ARAP2: variants seen among roughly 807,000 people sequenced by gnomAD.
The protein encoded by ARAP2 is arf-GAP with Rho-GAP domain, ANK repeat and PH domain-containing protein 2.
ARAP2 carries 148 observed loss-of-function variants against 194.5 expected under a neutral mutation model. The observed-to-expected ratio is 0.76, with a 90% confidence interval of 0.67 to 0.87. The LOEUF (loss-of-function observed/expected upper bound fraction) is 0.87, where lower values mean the gene tolerates loss of function less well. ARAP2 is among the 40% of genes least tolerant of loss of function. The pLI is 0.00. For synonymous variants in ARAP2, 695 were observed against 683.5 expected (o/e 1.02, Z -0.26); for missense variants, 2,128 against 1,989.7 (o/e 1.07, Z -1.32).
At chr4:36,090,012 C>G (rs1474366138) in intron 28 of ARAP2, among the ~76,000 whole-genome samples, 5 of 151,828 alleles carry the variant, frequency 3.3e-5, no homozygotes, top group Non-Finnish European at 7.4e-5. Context: ...TATTAGACCA[C>G]TAGCTTGACT....
intron 9 of ARAP2, among the ~76,000 whole-genome samples, chr4:36,177,047 A>AG (rs1194674308): frequency 6.6e-6 from 1 of 151,942 alleles, no homozygotes; most frequent in East Asian, 1.9e-4. Flanking sequence ...CCAAAAAAAA[A>AG]GGGGTAAAGA....
At chr4:36,133,432 T>TA (rs753482952) in intron 19 of ARAP2, 43 bp from the exon 20 acceptor site, 285 of 1,513,566 alleles carry the variant, frequency 1.9e-4, no homozygotes, top group Non-Finnish European at 2.0e-4. Context: ...TTTTGCTCTT[T>TA]AAAAAAAAAT....
chr4:36,110,062 C>T (rs1232760679), intron 26 of ARAP2, among the ~76,000 whole-genome samples: 1 of 151,838 alleles, frequency 6.6e-6, no homozygotes, highest in Admixed American at 6.6e-5. Context: ...CTAAGGATCA[C>T]AAAGGTTTTG....
chr4:36,024,899 G>A (rs889576245), intron 5 of ARAP2, among the ~76,000 whole-genome samples: 1 of 152,044 alleles, frequency 6.6e-6, no homozygotes, highest in African/African-American at 2.4e-5. Flanking sequence ...TTAACTTTCT[G>A]CTAGTCCTTG....
intron 19 of ARAP2, among the ~76,000 whole-genome samples, chr4:36,137,172 A>G (rs977567645): frequency 2.0e-5 from 3 of 151,890 alleles, no homozygotes; most frequent in African/African-American, 2.4e-5. Context: ...GGACTCTTTC[A>G]TAAGTACATG....
intron 26 of ARAP2, among the ~76,000 whole-genome samples, chr4:36,107,933 C>T (rs1186526425): frequency 6.6e-6 from 1 of 151,880 alleles, no homozygotes; most frequent in East Asian, 1.9e-4. Context: ...GCAGGAATAC[C>T]TGTTACTGAA....
At chr4:36,130,608 C>T (rs1289270674) in intron 20 of ARAP2, among the ~76,000 whole-genome samples, 1 of 151,902 alleles carries the variant, frequency 6.6e-6, no homozygotes, top group Non-Finnish European at 1.5e-5. Flanking sequence ...ACACCAGTAG[C>T]ACCCCCTGAA....
chr4:36,016,299 G>T (rs1047881290), intron 6 of ARAP2, among the ~76,000 whole-genome samples: 5 of 152,016 alleles, frequency 3.3e-5, no homozygotes, highest in Non-Finnish European at 7.4e-5. Context: ...AAAATATACT[G>T]GGAAAAATGC....
intron 6 of ARAP2, chr4:36,209,390 T>C (rs1188433309): frequency 2.2e-6 from 1 of 454,086 alleles, no homozygotes; most frequent in Admixed American, 2.4e-5. Context: ...AGTAATCTGC[T>C]TTGGTTTATT....
intron 31 of ARAP2, among the ~76,000 whole-genome samples, chr4:36,077,684 C>T (rs11940646): frequency 0.049 from 7,382 of 152,128 alleles, 396 homozygotes; most frequent in African/African-American, 0.13. Context: ...TGACCCTCTA[C>T]ACTGCAGACT....
rs562440959 is a variant in ARAP2 at position 36,208,596 on chromosome 4, G to C, written c.1487+1794C>G. 3.9e-5 allele frequency among the ~76,000 whole-genome samples: 6 copies of C among 152,290 alleles called. No homozygotes were observed. The East Asian group carries it at 1.2e-3, about 29-fold the overall frequency. ...ATAAGGAAGGGGTAGGCATCACTTT[G>C]TCTACTTTAATGAACATCTTAAACC... On this transcript the variant is annotated intron_variant, in intron 6 of 32. Transcript: ENST00000303965.
chr4:36,071,426 C>T (rs187144712), intron 32 of ARAP2, among the ~76,000 whole-genome samples: 3 of 152,220 alleles, frequency 2.0e-5, no homozygotes, highest in African/African-American at 7.2e-5. Context: ...GTGTGATTTC[C>T]TCGGCCAACA....
intron 6 of ARAP2, among the ~76,000 whole-genome samples, chr4:36,199,611 A>G (rs1743932748): frequency 6.6e-6 from 1 of 152,052 alleles, no homozygotes; most frequent in South Asian, 2.1e-4. Flanking sequence ...TTTTTAACCA[A>G]CATCTCACCC....
At chr4:36,014,119 T>C (rs113192553) in intron 8 of ARAP2, among the ~76,000 whole-genome samples, 49,856 of 149,882 alleles carry the variant, frequency 0.33, 8,584 homozygotes, top group Middle Eastern at 0.43. Flanking sequence ...TGCCAGCTAC[T>C]TGGGGGACTG....
chr4:36,160,671 A>G (rs1733699110), intron 12 of ARAP2, 30 bp from the exon 13 acceptor site: 8 of 1,376,300 alleles, frequency 5.8e-6, no homozygotes, highest in Non-Finnish European at 7.6e-6. Context: ...ACCCCATAAT[A>G]TATCAGTTCA....
intron 1 of ARAP2, chr4:36,058,250 G>C (rs1412840202): frequency 6.6e-6 from 1 of 152,220 alleles, no homozygotes; most frequent in Non-Finnish European, 1.5e-5. Flanking sequence ...TTAGCTTACT[G>C]TTATACGTGG....
Position 36,121,772 on chromosome 4 carries a change from C to G in ARAP2, c.3747-446G>C, listed in dbSNP as rs61798147. On this transcript the variant is annotated intron_variant, in intron 22 of 32. Coordinates refer to ENST00000303965, the MANE Select transcript of ARAP2 (RefSeq NM_015230.4). ...AATTGACAGTTCCAAATTCCAGGTG[C>G]CAAGCTGGGCTAAATTTTCCAGAAA... is the stretch of plus-strand genomic sequence containing the variant. Among the ~76,000 whole-genome samples the G allele has an allele frequency of 9.9e-3, 1,497 of 151,746 alleles. 13 individuals are homozygous for G. The highest frequency in any genetic ancestry group is 0.016 in the Non-Finnish European group (1,051 of 67,760).
At chr4:36,162,263 C>T (rs1044121391) in intron 11 of ARAP2, among the ~76,000 whole-genome samples, 5 of 152,138 alleles carry the variant, frequency 3.3e-5, no homozygotes, top group African/African-American at 7.2e-5. Flanking sequence ...TAAAACCCCA[C>T]GTATGTAAAT....
chr4:36,159,449 G>T lies in ARAP2; in HGVS notation c.2499C>A (p.Phe833Leu). ...PDVLETMALLFSGADVMCATG... is the reference protein window; with the variant it reads ...PDVLETMALLLSGADVMCATG... ...TGGCACACATGACATCTGCTCCACT[G>T]AACAGCAAAGCCATTGTTTCTAGAA... The change falls in exon 14 of 33, where the codon TTC becomes TTA. Residue 833 changes from phenylalanine to leucine, a missense_variant. By Grantham distance (22) the Phe-to-Leu change is conservative (BLOSUM62 0). Transcript: ENST00000303965. 1 of 1,599,956 alleles carries T rather than the reference G, an allele frequency of 6.3e-7. No individual in the cohort carries two copies. Among genetic ancestry groups the T allele is most frequent in the South Asian group, 1.1e-5 (1 of 89,456 alleles).
Sources: allele counts gnomAD v4.1 joint callset (sites outside exome capture counted in the v4.1 genomes callset), GRCh38; gene constraint gnomAD v4.1.1; transcripts MANE v1.5; gene names NCBI Gene and HGNC (gene_info 2026-07-23, HGNC 2026-07-21).